ZBBX: variants seen among roughly 807,000 people sequenced by gnomAD.
ZBBX encodes the protein zinc finger B-box domain containing.
A neutral mutation model predicts 108.5 loss-of-function variants in ZBBX; 101 were observed. The observed-to-expected ratio is 0.93, with a 90% CI of 0.79 to 1.10. ZBBX has a LOEUF of 1.10. ZBBX is among the 50% of genes least tolerant of loss of function. The pLI is 0.00. For synonymous variants in ZBBX, 356 were observed against 323.4 expected (o/e 1.10, Z -1.08); for missense variants, 1,009 against 941.4 (o/e 1.07, Z -0.94).
intron 11 of ZBBX, among the ~76,000 whole-genome samples, chr3:167,324,982 C>T (rs981793030): frequency 4.6e-5 from 7 of 152,130 alleles, no homozygotes; most frequent in Non-Finnish European, 8.8e-5. Context: ...AATTAACCAA[C>T]CCGCCCAATT....
At chr3:167,178,516 G>A in the ZBBX span, among the ~76,000 whole-genome samples, 5 of 152,186 alleles carry the variant, frequency 3.3e-5, no homozygotes, top group South Asian at 6.2e-4. Context: ...GACAGTTGGG[G>A]TCCTCCTCAG....
the ZBBX span, among the ~76,000 whole-genome samples, chr3:167,217,602 C>T: frequency 4.4e-4 from 67 of 152,118 alleles, no homozygotes; most frequent in Non-Finnish European, 8.8e-4. Flanking sequence ...CCCAGCAATC[C>T]CATTACTGGA....
the ZBBX span, among the ~76,000 whole-genome samples, chr3:167,223,713 GC>G: frequency 6.6e-6 from 1 of 151,786 alleles, no homozygotes; most frequent in African/African-American, 2.4e-5. Flanking sequence ...CAAAATTTTT[GC>G]CTTAAAATCA....
At chr3:167,212,488 C>T in the ZBBX span, among the ~76,000 whole-genome samples, 1 of 152,176 alleles carries the variant, frequency 6.6e-6, no homozygotes, top group Non-Finnish European at 1.5e-5. Flanking sequence ...TCCACAGCTC[C>T]AACAAGCTGC....
At chr3:167,283,240 T>C (rs1454786822) in intron 19 of ZBBX, among the ~76,000 whole-genome samples, 1 of 152,204 alleles carries the variant, frequency 6.6e-6, no homozygotes, top group Non-Finnish European at 1.5e-5. Flanking sequence ...AAAAAAAATC[T>C]CTTCAAATCT....
chr3:167,200,286 A>G, the ZBBX span, among the ~76,000 whole-genome samples: 2 of 152,150 alleles, frequency 1.3e-5, no homozygotes, highest in African/African-American at 4.8e-5. Flanking sequence ...ATATCAGATA[A>G]ACAATGAATA....
the ZBBX span, among the ~76,000 whole-genome samples, chr3:167,193,569 A>G: frequency 6.6e-6 from 1 of 152,012 alleles, no homozygotes. Flanking sequence ...CTGGCAATGC[A>G]TGTTTGTTTT....
In ZBBX at chr3:167,314,010, T is replaced by C; in HGVS notation, c.1381A>G (p.Arg461Gly). ...GKRDFLNLCL[R>G]NSSTYYKDNS... ...TCTTTATAATAAGTAGAGCTGTTTC[T>C]CAGACAAAGATTTAAGAAGTCTCTC... The change falls in exon 16 of 22, where the codon AGA becomes GGA. Residue 461 changes from arginine to glycine, a missense_variant. Coordinates refer to ENST00000675490, the MANE Select transcript of ZBBX (RefSeq NM_001199201.2). 1.9e-6 allele frequency: 3 copies of C among 1,604,150 alleles called. No homozygotes were observed. The highest frequency in any genetic ancestry group is 2.6e-6 in the Non-Finnish European group (3 of 1,175,752).
rs1463432013 is a variant in ZBBX at position 167,365,995 on chromosome 3, A to G, written c.183-19T>C. 1 of 1,548,128 alleles carries G rather than the reference A, an allele frequency of 6.5e-7. No individual in the cohort carries two copies. Among genetic ancestry groups the G allele is most frequent in the Admixed American group, 1.7e-5 (1 of 57,664 alleles). On this transcript the variant is annotated intron_variant, in intron 5 of 21. Coordinates refer to ENST00000675490, the MANE Select transcript of ZBBX (RefSeq NM_001199201.2). ...GCTTGACCTTTAATATATATAAACA[A>G]GATAAAATGTAATCACTAAACACAT...
At chr3:167,395,273 C>T (rs1748195021) in intron 1 of ZBBX, among the ~76,000 whole-genome samples, 1 of 152,052 alleles carries the variant, frequency 6.6e-6, no homozygotes, top group East Asian at 1.9e-4. Context: ...AAATAATGTT[C>T]TTGAATATCA....
the ZBBX span, among the ~76,000 whole-genome samples, chr3:167,222,545 T>C: frequency 6.6e-6 from 1 of 151,914 alleles, no homozygotes; most frequent in Non-Finnish European, 1.5e-5. Flanking sequence ...CAATTTATTG[T>C]ACATTTTAAA....
intron 8 of ZBBX, among the ~76,000 whole-genome samples, chr3:167,358,313 G>T (rs1743927802): frequency 6.6e-6 from 1 of 151,938 alleles, no homozygotes; most frequent in African/African-American, 2.4e-5. Context: ...TTACTTATAT[G>T]AGGTAGAGTA....
At chr3:167,282,996 C>G (rs1308382391) in intron 19 of ZBBX, among the ~76,000 whole-genome samples, 3 of 152,086 alleles carry the variant, frequency 2.0e-5, no homozygotes, top group Non-Finnish European at 4.4e-5. Flanking sequence ...ACAAAAGAGA[C>G]TAATTTACAA....
intron 9 of ZBBX, among the ~76,000 whole-genome samples, chr3:167,344,083 T>G (rs1741021532): frequency 1.3e-5 from 2 of 151,886 alleles, no homozygotes; most frequent in South Asian, 4.1e-4. Flanking sequence ...GGATGAACAT[T>G]GAAAACGTTA....
chr3:167,277,022 C>T (rs149877921), intron 20 of ZBBX, among the ~76,000 whole-genome samples: 2,619 of 152,084 alleles, frequency 0.017, 74 homozygotes, highest in African/African-American at 0.059. Context: ...AGAAATAAAA[C>T]ACTTTACAGA....
upstream of ZBBX, among the ~76,000 whole-genome samples, chr3:167,385,263 A>G (rs1297379952): frequency 6.6e-6 from 1 of 152,036 alleles, no homozygotes; most frequent in Non-Finnish European, 1.5e-5. Flanking sequence ...TGTACTGAAT[A>G]CTATACACAA....
chr3:167,339,263 C>T (rs1381515672), intron 9 of ZBBX, among the ~76,000 whole-genome samples: 1 of 152,052 alleles, frequency 6.6e-6, no homozygotes, highest in Non-Finnish European at 1.5e-5. Context: ...CTCCCCTTAG[C>T]TTAAGTTCTG....
chr3:167,245,789 G>T (rs999995604), intron 20 of ZBBX, among the ~76,000 whole-genome samples: 1 of 151,822 alleles, frequency 6.6e-6, no homozygotes, highest in African/African-American at 2.4e-5. Context: ...TGCTTCCCGT[G>T]CACTCTGCAA....
chr3:167,190,470 T>A, the ZBBX span, among the ~76,000 whole-genome samples: 1 of 145,038 alleles, frequency 6.9e-6, no homozygotes, highest in Non-Finnish European at 1.5e-5. Flanking sequence ...AAGCTCCGCC[T>A]CCCGGGTTCA....
Sources: gnomAD v4.1 joint callset for allele counts (sites outside exome capture counted in the v4.1 genomes callset) on GRCh38, gnomAD v4.1.1 for gene constraint, MANE v1.5 for transcripts, NCBI Gene and HGNC (gene_info 2026-07-23, HGNC 2026-07-21) for gene names.